Variants in PIKFYVE observed in about 807,000 individuals in gnomAD.
The protein encoded by PIKFYVE is phosphoinositide kinase, FYVE-type zinc finger containing.
A neutral mutation model predicts 257.9 loss-of-function variants in PIKFYVE; 122 were observed. That is an observed-to-expected ratio of 0.47 (90% CI 0.41 to 0.55). The LOEUF (loss-of-function observed/expected upper bound fraction) is 0.55, where lower values mean the gene tolerates loss of function less well. Among genes scored for constraint, PIKFYVE ranks in the 20% least tolerant of loss-of-function variants. PIKFYVE has a pLI of 0.00. For synonymous variants in PIKFYVE, 892 were observed against 868.9 expected, an observed-to-expected ratio of 1.03 and a Z score of -0.47; for missense variants, 2,160 against 2,536.6, an observed-to-expected ratio of 0.85 and a Z score of 3.19.
intron 2 of PIKFYVE, 65 bp downstream of exon 2, chr2:208,271,756 C>T (rs1175061738): frequency 1.4e-6 from 2 of 1,474,078 alleles, no homozygotes; most frequent in Non-Finnish European, 1.9e-6. Context: ...CCTTTGTCTC[C>T]AGTGGCTCAC....
At chr2:208,267,937 T>A (rs1255393863) in intron 1 of PIKFYVE, among the ~76,000 whole-genome samples, 5 of 152,192 alleles carry the variant, frequency 3.3e-5, no homozygotes, top group African/African-American at 1.2e-4. Context: ...AGCAGCCACG[T>A]CCGGCCTTTA....
chr2:208,279,042 CT>C (rs1284770312), intron 5 of PIKFYVE, among the ~76,000 whole-genome samples: 2 of 152,170 alleles, frequency 1.3e-5, no homozygotes, highest in African/African-American at 4.8e-5. Flanking sequence ...TAAGCATTCT[CT>C]TTTCTCTGCA....
At position 208,305,446 on chromosome 2, in the gene PIKFYVE, T is replaced by G. The variant is rs558975093; in HGVS notation, c.1636+433T>G. The G allele has an allele frequency of 2.8e-5, 28 of 993,026 alleles. No homozygotes were observed. In the African/African-American group the frequency reaches 4.0e-4, roughly 14 times the overall value. 61.5% of individuals were successfully genotyped at this position (993,026 alleles called of 1,614,324 possible). ...ACCCATTAAGATGCTTGAACTAGAT[T>G]GGGGGAAAATCATTCACACATTCCA... On this transcript the variant is annotated intron_variant, in intron 12 of 41. Transcript: ENST00000264380.
At position 208,336,894 on chromosome 2, in the gene PIKFYVE, G is replaced by C; in HGVS notation, c.4577G>C (p.Ser1526Thr). The change falls in exon 28 of 42, where the codon AGT becomes ACT. Residue 1526 changes from serine (S) to threonine (T), a missense_variant. Ser to Thr is a moderately conservative substitution (Grantham distance 58, BLOSUM62 1). Around this residue, in one of 12 missense-constraint regions of PIKFYVE, gnomAD observed 699 missense variants for 855.8 expected, o/e 0.82. Transcript: ENST00000264380. ...AGAAAGAGACCTTCAGTTCCTCCAA[G>C]TCCTGGAAGACTGAGACAAGGGGAA... is the stretch of plus-strand genomic sequence containing the variant. ...KGRKRPSVPP[S>T]PGRLRQGEES... 1 of 1,613,034 alleles carries C rather than the reference G, an allele frequency of 6.2e-7. No homozygotes were observed. The highest frequency in any genetic ancestry group is 8.5e-7 in the Non-Finnish European group (1 of 1,179,386).
chr2:208,308,446 C>T (rs763026378), intron 12 of PIKFYVE, among the ~76,000 whole-genome samples: 2 of 151,212 alleles, frequency 1.3e-5, no homozygotes, highest in Admixed American at 6.6e-5. Context: ...GTGGTGAGAA[C>T]CTTTGAAATT....
At position 208,339,496 on chromosome 2, in the gene PIKFYVE, T is replaced by G; in HGVS notation, c.4751T>G (p.Val1584Gly). 1 of 1,614,172 alleles carries G rather than the reference T, an allele frequency of 6.2e-7. No individual in the cohort carries two copies. Among genetic ancestry groups the G allele is most frequent in the South Asian group, 1.1e-5 (1 of 91,076 alleles). Residue 1584 changes from valine (V) to glycine (G), a missense_variant, in exon 30 of 42, where the codon GTC (valine) becomes GGC (glycine). By Grantham distance (109) the Val-to-Gly change is moderately radical. Transcript: ENST00000264380. The part of the protein sequence containing the change: ...THLQLPTPPE[V>G]MSEQSVGGPP... ...CTCCAATTGCCTACGCCACCTGAAG[T>G]CATGTCTGAACAGTCAGTGGGAGGG...
At position 208,323,050 on chromosome 2, in the gene PIKFYVE, A is replaced by G. The variant is rs549586518; in HGVS notation, c.2191-1092A>G. On this transcript the variant is annotated intron_variant, in intron 17 of 41. Transcript: ENST00000264380. Reference sequence around the variant, plus strand: ...TCATCCTTTTTTATGGCTGCAGAGTATTCCATGGTGTGTATGTGCCACATT... The same window carrying G: ...TCATCCTTTTTTATGGCTGCAGAGTGTTCCATGGTGTGTATGTGCCACATT... Among the ~76,000 whole-genome samples the G allele has an allele frequency of 2.2e-3, 333 of 151,340 alleles. 2 individuals carry two copies. The highest frequency in any genetic ancestry group is 7.7e-3 in the African/African-American group (318 of 41,234).
chr2:208,335,211 T>C (rs1697998539), intron 24 of PIKFYVE, 95 bp from the exon 25 acceptor site: 2 of 831,180 alleles, frequency 2.4e-6, no homozygotes, highest in Non-Finnish European at 4.1e-6. Flanking sequence ...TTTCCTCTTA[T>C]GCCTCATAGA....
At position 208,347,389 on chromosome 2, in the gene PIKFYVE, T is replaced by TA. The variant is rs371149249; in HGVS notation, c.5210-467dup. ...AAGGAAATCTTATATTTTCCTGTGT[T>TA]AAACTGTAGGAACACAAATGACACA... On this transcript the variant is annotated intron_variant, in intron 34 of 41. Transcript: ENST00000264380. Among the ~76,000 whole-genome samples, 402 of 152,338 alleles carry TA rather than the reference T, an allele frequency of 2.6e-3. 1 individual carries two copies. The highest frequency in any genetic ancestry group is 8.8e-3 in the African/African-American group (364 of 41,570).
intron 28 of PIKFYVE, among the ~76,000 whole-genome samples, 177 bp downstream of exon 28, chr2:208,337,105 C>A (rs76732546): frequency 0.037 from 5,688 of 152,068 alleles, 336 homozygotes; most frequent in African/African-American, 0.13. Flanking sequence ...TATGTTATAA[C>A]CTGAAATAAA....
chr2:208,293,503 A>G (rs907289033), intron 7 of PIKFYVE, among the ~76,000 whole-genome samples: 4 of 152,126 alleles, frequency 2.6e-5, no homozygotes, highest in Admixed American at 1.3e-4. Context: ...TCATTTGTCT[A>G]AGAAAGGCTT....
In PIKFYVE at chr2:208,302,422, G is replaced by C. The variant is rs2125333668; in HGVS notation, c.1320+69G>C. ...TTTTATAGTCTTTCTTCATCAGTGG[G>C]AATAAAAAGTAGTTTATTAGAAGAT... On this transcript the variant is annotated intron_variant, in intron 10 of 41. Transcript: ENST00000264380. 4.5e-6 allele frequency: 6 copies of C among 1,345,200 alleles called. No homozygotes were observed. The South Asian group carries it at 6.0e-5, about 13-fold the overall frequency. 83.3% of individuals were successfully genotyped at this position (1,345,200 alleles called of 1,614,324 possible).
intron 39 of PIKFYVE, 48 bp downstream of exon 39, chr2:208,352,830 T>C (rs1378325352): frequency 1.9e-6 from 3 of 1,596,984 alleles, no homozygotes; most frequent in Non-Finnish European, 1.7e-6. Flanking sequence ...GAACCTTTTG[T>C]ACCTTTGGTT....
In PIKFYVE at chr2:208,355,352, G is replaced by A. The variant is rs757242364; in HGVS notation, c.*47G>A. On this transcript the variant is annotated 3_prime_UTR_variant, in exon 42 of 42. Coordinates refer to ENST00000264380, the MANE Select transcript of PIKFYVE (RefSeq NM_015040.4). The stretch of plus-strand genomic sequence containing the variant: ...TGGACTGTGAAGGAAAAGGGGACAG[G>A]AACAAAGGACCAAAAATAAGCTACA... 6.8e-7 allele frequency: 1 copy of A among 1,467,322 alleles called. No individual in the cohort carries two copies. The allele number at this position is 1,467,322 out of a possible 1,614,324, so 90.9% of individuals were successfully genotyped here.
chr2:208,311,557 C>T (rs574182476), intron 12 of PIKFYVE, among the ~76,000 whole-genome samples: 4 of 152,030 alleles, frequency 2.6e-5, no homozygotes, highest in African/African-American at 7.2e-5. Flanking sequence ...AGAAAGTTCA[C>T]GGGGAAGTAA....
At chr2:208,315,673 C>T (rs907868920) in intron 15 of PIKFYVE, among the ~76,000 whole-genome samples, 8 of 152,142 alleles carry the variant, frequency 5.3e-5, no homozygotes, top group African/African-American at 1.7e-4. Context: ...AAAGCCTGTT[C>T]TCACAGATTG....
At chr2:208,272,801 A>T (rs1478914975) in intron 2 of PIKFYVE, among the ~76,000 whole-genome samples, 1 of 152,154 alleles carries the variant, frequency 6.6e-6, no homozygotes, top group Admixed American at 6.5e-5. Context: ...ACTTAAAAAA[A>T]AAAACTATTT....
In PIKFYVE at chr2:208,339,585, C is replaced by T. The variant is rs769872029; in HGVS notation, c.4810+30C>T. The stretch of plus-strand genomic sequence containing the variant: ...AGGTTAAGTCACTTTTACCATATTT[C>T]ATTGTATCTAAGACTGAAAGATATA... On this transcript the variant is annotated intron_variant, in intron 30 of 41. Transcript: ENST00000264380. 1.9e-6 allele frequency: 3 copies of T among 1,611,874 alleles called. No homozygotes were observed. In the Admixed American group the frequency reaches 5.0e-5, roughly 27 times the overall value.
Position 208,302,331 on chromosome 2 carries a change from A to G in PIKFYVE, c.1298A>G (p.Tyr433Cys), listed in dbSNP as rs1449554632. The G allele has an allele frequency of 6.2e-7, 1 of 1,613,968 alleles. No homozygotes were observed. The highest frequency in any genetic ancestry group is 1.6e-4 in the Middle Eastern group (1 of 6,084). Reference sequence around the variant, plus strand: ...CACGACCAGCTTTTCAGAGATGAGTATGCGCTGTATAGACCACTGCAGGTA... The same window carrying G: ...CACGACCAGCTTTTCAGAGATGAGTGTGCGCTGTATAGACCACTGCAGGTA... Reference protein sequence around the residue: ...SHHDQLFRDEYALYRPLQSTE... With the variant: ...SHHDQLFRDECALYRPLQSTE... The change falls in exon 10 of 42, where the codon TAT becomes TGT. Residue 433 changes from tyrosine (Y) to cysteine (C), a missense_variant. Transcript: ENST00000264380.
Sources: allele counts gnomAD v4.1 joint callset (sites outside exome capture counted in the v4.1 genomes callset), GRCh38; gene constraint gnomAD v4.1.1; regional missense constraint gnomAD v4.1.1; transcripts MANE v1.5; gene names NCBI Gene and HGNC (gene_info 2026-07-23, HGNC 2026-07-21).